ITPR2: variants seen among roughly 807,000 people sequenced by gnomAD.
ITPR2 encodes inositol 1,4,5-trisphosphate receptor type 2, also known as inositol 1,4,5-trisphosphate-gated calcium channel ITPR2.
In ITPR2, 207 loss-of-function variants were observed where a neutral mutation model predicts 317.1. The observed-to-expected ratio is 0.65, with a 90% CI of 0.58 to 0.73. The LOEUF (loss-of-function observed/expected upper bound fraction) is 0.73, where lower values mean the gene tolerates loss of function less well. Among genes scored for constraint, ITPR2 ranks in the 30% least tolerant of loss-of-function variants. ITPR2 has a pLI of 0.00. For missense variants in ITPR2, 2,613 were observed against 3,284.0 expected (o/e 0.80, Z 4.99); for synonymous variants, 1,156 against 1,149.1 (o/e 1.01, Z -0.12).
chr12:26,340,293 G>T lies in ITPR2; in HGVS notation c.7893C>A (p.Ala2631=). The T allele has an allele frequency of 6.2e-7, 1 of 1,608,128 alleles. No homozygotes were observed. The highest frequency in any genetic ancestry group is 1.7e-4 in the Middle Eastern group (1 of 6,048). ...KNLDWFPRMR[A]MSLVSNEGDS... ...CGCCTTCATTGCTAACGAGGGACAT[G>T]GCTCGCATCCGAGGAAACCAATCCA... is the stretch of plus-strand genomic sequence containing the variant. Residue 2631 remains alanine (A), a synonymous_variant, in exon 56 of 57, where the codon GCC becomes GCA. Transcript: ENST00000381340.
intron 1 of ITPR2, among the ~76,000 whole-genome samples, chr12:26,793,563 ATG>A (rs1169241539): frequency 6.6e-6 from 1 of 151,962 alleles, no homozygotes; most frequent in Non-Finnish European, 1.5e-5. Context: ...TTATAATTTC[ATG>A]TATATATATA....
In ITPR2 at chr12:26,625,769, A is replaced by G. The variant is rs557316957; in HGVS notation, c.3065-1413T>C. ...TTTAAAGAATCAAAATATACATACA[A>G]TTAGCCTTGTTATTATATGGTTATT... On this transcript the variant is annotated intron_variant, in intron 23 of 56. Coordinates refer to ENST00000381340, the MANE Select transcript of ITPR2 (RefSeq NM_002223.4). Among the ~76,000 whole-genome samples the G allele has an allele frequency of 9.8e-5, 15 of 152,286 alleles. No individual in the cohort carries two copies. In the South Asian group the frequency reaches 3.1e-3, roughly 32 times the overall value.
At chr12:26,476,471 A>G (rs1395273821) in intron 44 of ITPR2, among the ~76,000 whole-genome samples, 3 of 152,250 alleles carry the variant, frequency 2.0e-5, no homozygotes, top group African/African-American at 7.2e-5. Flanking sequence ...CTTGAGGCCA[A>G]GCATTGTACA....
At chr12:26,353,577 T>C (rs1055571061) in intron 55 of ITPR2, among the ~76,000 whole-genome samples, 3 of 152,246 alleles carry the variant, frequency 2.0e-5, no homozygotes, top group Non-Finnish European at 2.9e-5. Context: ...TTTCCAGTTA[T>C]GCTGAGGTTC....
intron 9 of ITPR2, among the ~76,000 whole-genome samples, chr12:26,709,680 G>A (rs758087275): frequency 5.3e-5 from 8 of 152,268 alleles, no homozygotes; most frequent in Admixed American, 2.0e-4. Flanking sequence ...AAAGTGAACA[G>A]GGGAAAAGAG....
chr12:26,807,815 C>G (rs1477760288), intron 1 of ITPR2, among the ~76,000 whole-genome samples: 2 of 152,134 alleles, frequency 1.3e-5, no homozygotes, highest in East Asian at 3.8e-4. Flanking sequence ...CGAAAGGTGC[C>G]ATGGATATCA....
At chr12:26,693,146 G>A (rs1372001465) in intron 10 of ITPR2, among the ~76,000 whole-genome samples, 1 of 152,166 alleles carries the variant, frequency 6.6e-6, no homozygotes, top group Non-Finnish European at 1.5e-5. Flanking sequence ...ATGTCTCCCT[G>A]AGATGACAGA....
At chr12:26,724,886 G>T in intron 3 of ITPR2, 144 bp from the exon 4 acceptor site, 3 of 564,360 alleles carry the variant, frequency 5.3e-6, no homozygotes, top group South Asian at 2.4e-5. Flanking sequence ...CTTAGTTTAG[G>T]TGTTTTGTTT....
intron 1 of ITPR2, among the ~76,000 whole-genome samples, chr12:26,811,983 G>A (rs1157826002): frequency 2.6e-5 from 4 of 151,098 alleles, no homozygotes; most frequent in Admixed American, 6.6e-5. Flanking sequence ...CCAACATGGC[G>A]AATCCCCATC....
rs550738552 is a variant in ITPR2, at chr12:26,668,527, C to G, written c.1410-2476G>C. Among the ~76,000 whole-genome samples the G allele has an allele frequency of 4.1e-4, 63 of 152,152 alleles. No individual in the cohort carries two copies. In the South Asian group the frequency reaches 0.013, roughly 32 times the overall value. On this transcript the variant is annotated intron_variant, in intron 13 of 56. Transcript: ENST00000381340. ...GCAAGCATAAAACTGATAGAGAAGA[C>G]AAGTGAATGTAGAGAAAGGAAAAAC...
In ITPR2 at chr12:26,832,692, C is replaced by A; in HGVS notation, c.90G>T (p.Leu30Phe). The A allele has an allele frequency of 6.3e-7, 1 of 1,595,438 alleles. No individual in the cohort carries two copies. The highest frequency in any genetic ancestry group is 8.5e-7 in the Non-Finnish European group (1 of 1,171,710). ...CCCAGCCCTCGTCTCCCGCTTACCCCAAGGTGCTGATGAAGCCGTTGACCG... is the reference window on the plus strand; with the variant it reads ...CCCAGCCCTCGTCTCCCGCTTACCCAAAGGTGCTGATGAAGCCGTTGACCG... ...EGSVNGFIST[L>F]GLVDDRCVVH... Residue 30 changes from leucine to phenylalanine, a missense_variant and splice_region_variant, in exon 1 of 57, where the codon TTG (leucine) becomes TTT (phenylalanine). Coordinates refer to ENST00000381340, the MANE Select transcript of ITPR2 (RefSeq NM_002223.4).
chr12:26,772,011 A>C (rs1258735523), intron 2 of ITPR2, among the ~76,000 whole-genome samples: 1 of 152,030 alleles, frequency 6.6e-6, no homozygotes. Flanking sequence ...CAGCAGTGGT[A>C]CTCTTGTCAC....
chr12:26,639,336 T>C (rs549355044), intron 21 of ITPR2, among the ~76,000 whole-genome samples: 14 of 152,286 alleles, frequency 9.2e-5, no homozygotes, highest in African/African-American at 3.4e-4. Context: ...GCCTACCCTT[T>C]GCGGAAGTAA....
Position 26,632,060 on chromosome 12 carries a change from C to T in ITPR2, c.2741-1G>A. Reference sequence around the variant, plus strand: ...TGAATGGTTCTCATCACATTGTTTCCTGGCATGAGAAAATGCCGTAAGTCA... The same window carrying T: ...TGAATGGTTCTCATCACATTGTTTCTTGGCATGAGAAAATGCCGTAAGTCA... On this transcript the variant is annotated splice_acceptor_variant, in intron 21 of 56. Transcript: ENST00000381340. LOFTEE classifies it high-confidence loss of function. 1 of 1,530,302 alleles carries T rather than the reference C, an allele frequency of 6.5e-7. No individual in the cohort carries two copies. Among genetic ancestry groups the T allele is most frequent in the Non-Finnish European group, 8.8e-7 (1 of 1,140,454 alleles). 94.8% of individuals were successfully genotyped at this position (1,530,302 alleles called of 1,614,324 possible).
At chr12:26,621,394 G>A (rs1946490691) in intron 25 of ITPR2, 98 bp from the exon 26 acceptor site, 1 of 855,018 alleles carries the variant, frequency 1.2e-6, no homozygotes, top group Non-Finnish European at 1.8e-6. Context: ...CTACCTAGAA[G>A]TAAGTGTGAA....
intron 5 of ITPR2, among the ~76,000 whole-genome samples, chr12:26,720,385 T>A (rs1390332343): frequency 6.6e-6 from 1 of 152,212 alleles, no homozygotes; most frequent in Non-Finnish European, 1.5e-5. Flanking sequence ...TCTAATTTAA[T>A]GTGTTTTTAA....
At chr12:26,731,682 G>A (rs917590946) in intron 2 of ITPR2, among the ~76,000 whole-genome samples, 7 of 152,102 alleles carry the variant, frequency 4.6e-5, no homozygotes, top group African/African-American at 1.4e-4. Context: ...CTACAAGTCC[G>A]AGCTACTCAG....
In ITPR2 at chr12:26,562,006, C is replaced by T. The variant is rs541848988; in HGVS notation, c.4631-54G>A. The T allele has an allele frequency of 1.3e-5, 15 of 1,191,774 alleles. No individual in the cohort carries two copies. In the African/African-American group the frequency reaches 1.9e-4, roughly 15 times the overall value. The allele number at this position is 1,191,774 out of a possible 1,614,324, so 73.8% of individuals were successfully genotyped here. Reference sequence around the variant, plus strand: ...CTCTTAATTTGACTAAAGTTTCTTACATATTATCCATACAATCTTATAAAC... The same window carrying T: ...CTCTTAATTTGACTAAAGTTTCTTATATATTATCCATACAATCTTATAAAC... On this transcript the variant is annotated intron_variant, in intron 34 of 56. Coordinates refer to ENST00000381340, the MANE Select transcript of ITPR2 (RefSeq NM_002223.4).
rs60115178 is a variant in ITPR2 at position 26,786,449 on chromosome 12, T to TTAAAA, written c.163+3707_163+3708insTTTTA. On this transcript the variant is annotated intron_variant, in intron 2 of 56. Coordinates refer to ENST00000381340, the MANE Select transcript of ITPR2 (RefSeq NM_002223.4). The stretch of plus-strand genomic sequence containing the variant: ...GCGAGAAACACCCAAGAATGATCAA[T>TTAAAA]AAAAAAAAAAAAAAAAAAAAATGGA... 9.1e-4 allele frequency among the ~76,000 whole-genome samples: 109 copies of TTAAAA among 119,222 alleles called. 1 individual carries two copies. Among genetic ancestry groups the TTAAAA allele is most frequent in the African/African-American group, 3.2e-3 (86 of 26,810 alleles). The allele number at this position is 119,222 out of a possible 152,430, so 78.2% of individuals were successfully genotyped here. A position where few individuals can be genotyped will look rare whatever the true frequency, so the allele number is the denominator to read the frequency against.
Sources: gnomAD v4.1 joint callset for allele counts (sites outside exome capture counted in the v4.1 genomes callset) on GRCh38, gnomAD v4.1.1 for gene constraint, MANE v1.5 for transcripts, NCBI Gene and HGNC (gene_info 2026-07-23, HGNC 2026-07-21) for gene names.